The following PPP2R2C variants were observed in gnomAD, a reference collection of about 807,000 sequenced individuals.
PPP2R2C encodes the protein protein phosphatase 2 regulatory subunit Bgamma, also known as protein phosphatase 2, regulatory subunit B, gamma.
PPP2R2C carries 10 observed loss-of-function variants against 45.3 expected under a neutral mutation model. The ratio of observed to expected loss-of-function variants is 0.22; its 90% CI spans 0.14 to 0.37. The LOEUF (loss-of-function observed/expected upper bound fraction) is 0.37. Ranked by LOEUF, PPP2R2C falls within the 10% of genes least tolerant of loss-of-function variation. PPP2R2C has a pLI of 1.00. For synonymous variants in PPP2R2C, 257 were observed against 245.4 expected (o/e 1.05, Z -0.44); for missense variants, 308 against 619.7 (o/e 0.50, Z 5.34).
At chr4:6,523,208 C>T (rs1724082470) in intron 2 of PPP2R2C, among the ~76,000 whole-genome samples, 1 of 152,186 alleles carries the variant, frequency 6.6e-6, no homozygotes, top group African/African-American at 2.4e-5. Context: ...GCAGCTGCTC[C>T]AGAGGAAATA....
chr4:6,429,801 G>A (rs16838833), intron 1 of PPP2R2C, among the ~76,000 whole-genome samples: 8,366 of 152,182 alleles, frequency 0.055, 757 homozygotes, highest in African/African-American at 0.19. Flanking sequence ...AATGCCCATC[G>A]TTGCCAGAAA....
At chr4:6,413,841 G>T in intron 1 of PPP2R2C, 1 of 1,532,610 alleles carries the variant, frequency 6.5e-7, no homozygotes, top group Non-Finnish European at 8.7e-7. Context: ...CCCACTCAGG[G>T]CTGGCCAGCT....
chr4:6,501,680 A>G (rs1232743609), intron 2 of PPP2R2C, among the ~76,000 whole-genome samples: 1 of 152,216 alleles, frequency 6.6e-6, no homozygotes, highest in Admixed American at 6.5e-5. Flanking sequence ...TGAGGAAGGC[A>G]TGCGTGTTGG....
intron 1 of PPP2R2C, among the ~76,000 whole-genome samples, chr4:6,540,930 C>A (rs1198207685): frequency 1.3e-5 from 2 of 152,212 alleles, no homozygotes; most frequent in Non-Finnish European, 2.9e-5. Context: ...TGGAGCAGAA[C>A]TCTGTGTTGT....
intron 1 of PPP2R2C, among the ~76,000 whole-genome samples, chr4:6,426,490 TG>T (rs1485332098): frequency 6.6e-6 from 1 of 152,194 alleles, no homozygotes; most frequent in African/African-American, 2.4e-5. Context: ...AGCCCCAGAC[TG>T]GGTGCAGCCA....
chr4:6,520,653 C>G (rs1484972921), intron 2 of PPP2R2C, among the ~76,000 whole-genome samples: 1 of 152,216 alleles, frequency 6.6e-6, no homozygotes, highest in East Asian at 1.9e-4. Flanking sequence ...CCAACAGCAG[C>G]CTTCCTCACC....
intron 1 of PPP2R2C, among the ~76,000 whole-genome samples, chr4:6,553,635 AC>A (rs1725260571): frequency 1.3e-5 from 2 of 152,100 alleles, no homozygotes; most frequent in Non-Finnish European, 2.9e-5. Context: ...ACCGATAGGC[AC>A]CTTGCCTGTG....
chr4:6,410,853 ATTTATTTATTTATTTAT>A (rs1469277671), intron 1 of PPP2R2C, among the ~76,000 whole-genome samples: 3 of 140,746 alleles, frequency 2.1e-5, no homozygotes, highest in Admixed American at 1.4e-4. Context: ...TTATTTATTT[ATTTATTTATTTATTTAT>A]TTATTTATTT....
At chr4:6,394,138 G>T (rs1716856401) in intron 1 of PPP2R2C, among the ~76,000 whole-genome samples, 1 of 152,216 alleles carries the variant, frequency 6.6e-6, no homozygotes, top group South Asian at 2.1e-4. Context: ...CAGAATTGCT[G>T]GGGCCTAGAA....
intron 1 of PPP2R2C, among the ~76,000 whole-genome samples, chr4:6,421,553 T>C (rs988150880): frequency 1.3e-5 from 2 of 152,096 alleles, no homozygotes; most frequent in Admixed American, 1.3e-4. Context: ...GCAGCCAAAA[T>C]GGCGGCCGTG....
chr4:6,518,054 A>T (rs180926448), intron 2 of PPP2R2C, among the ~76,000 whole-genome samples: 23 of 152,344 alleles, frequency 1.5e-4, no homozygotes, highest in African/African-American at 4.1e-4. Context: ...CTTCTATATA[A>T]CACATGACTC....
chr4:6,536,969 G>A (rs1380914122), intron 1 of PPP2R2C, among the ~76,000 whole-genome samples: 1 of 152,214 alleles, frequency 6.6e-6, no homozygotes, highest in Admixed American at 6.5e-5. Flanking sequence ...TTGGGAGGCT[G>A]AGGTGGGCAG....
chr4:6,326,942 T>C (rs1417822746), intron 8 of PPP2R2C, among the ~76,000 whole-genome samples: 3 of 152,208 alleles, frequency 2.0e-5, no homozygotes, highest in Non-Finnish European at 2.9e-5. Flanking sequence ...GATTCGAGTT[T>C]GCTTTGGTCT....
chr4:6,410,740 C>T (rs577425758), intron 1 of PPP2R2C, among the ~76,000 whole-genome samples: 1 of 152,096 alleles, frequency 6.6e-6, no homozygotes, highest in African/African-American at 2.4e-5. Flanking sequence ...GGCCAGGTCA[C>T]CCTTTCTCAG....
chr4:6,453,144 C>A (rs758372666), intron 1 of PPP2R2C, among the ~76,000 whole-genome samples: 59 of 152,316 alleles, frequency 3.9e-4, no homozygotes, highest in Admixed American at 2.6e-4. Context: ...AACGCCTCAT[C>A]TCCATCCACC....
At chr4:6,333,376 A>G (rs765758410) in intron 7 of PPP2R2C, among the ~76,000 whole-genome samples, 186 bp downstream of exon 7, 1 of 152,238 alleles carries the variant, frequency 6.6e-6, no homozygotes, top group Admixed American at 6.5e-5. Context: ...GTGAGGCAAG[A>G]CTGAGCACTC....
intron 5 of PPP2R2C, among the ~76,000 whole-genome samples, chr4:6,352,233 C>G (rs12511900): frequency 0.93 from 140,599 of 151,906 alleles, 65,793 homozygotes; most frequent in East Asian, 1. Context: ...GGCTGTCACT[C>G]GGGGCCCCCG....
At chr4:6,491,166 C>T (rs1722688896) in intron 2 of PPP2R2C, among the ~76,000 whole-genome samples, 1 of 152,184 alleles carries the variant, frequency 6.6e-6, no homozygotes, top group Non-Finnish European at 1.5e-5. Flanking sequence ...TGTTGTGTAC[C>T]CTAGTGCCTG....
intron 5 of PPP2R2C, chr4:6,348,667 G>A: frequency 1.0e-6 from 1 of 985,424 alleles, no homozygotes; most frequent in Non-Finnish European, 1.2e-6. Flanking sequence ...CTGGGATGCA[G>A]CTTGGTCACC....
Sources: allele counts gnomAD v4.1 joint callset (sites outside exome capture counted in the v4.1 genomes callset), GRCh38; gene constraint gnomAD v4.1.1; transcripts MANE v1.5; gene names NCBI Gene and HGNC (gene_info 2026-07-23, HGNC 2026-07-21).